The following SLC25A13 variants were observed in gnomAD, a reference collection of about 807,000 sequenced individuals.
SLC25A13 encodes solute carrier family 25 member 13, also known as electrogenic aspartate/glutamate antiporter SLC25A13, mitochondrial.
A neutral mutation model predicts 85.5 loss-of-function variants in SLC25A13; 70 were observed. The observed-to-expected ratio is 0.82, with a 90% CI of 0.68 to 1.00. The LOEUF (loss-of-function observed/expected upper bound fraction) is 1.00, where lower values mean the gene tolerates loss of function less well. Among genes scored for constraint, SLC25A13 ranks in the 50% least tolerant of loss-of-function variants. SLC25A13 has a pLI of 0.00. For missense variants in SLC25A13, 765 were observed against 819.8 expected (o/e 0.93, Z 0.82); for synonymous variants, 259 against 288.7 (o/e 0.90, Z 1.04).
At chr7:96,281,085 C>T (rs1436014919) in intron 2 of SLC25A13, among the ~76,000 whole-genome samples, 1 of 152,140 alleles carries the variant, frequency 6.6e-6, no homozygotes, top group Non-Finnish European at 1.5e-5. Flanking sequence ...GAATACAACA[C>T]AGCAATGAGA....
At chr7:96,241,941 T>C (rs981605051) in intron 3 of SLC25A13, among the ~76,000 whole-genome samples, 1 of 152,090 alleles carries the variant, frequency 6.6e-6, no homozygotes, top group African/African-American at 2.4e-5. Flanking sequence ...ATCCCTTTCA[T>C]CTCCTGCCTG....
Position 96,120,280 on chromosome 7 carries a change from A to G in SLC25A13, c.*911T>C, listed in dbSNP as rs922495756. ...TTCATGCGCCTCTGACCATTATGCAAGGCAACATGAATTAAATACTTATGT... is the reference window on the plus strand; with the variant it reads ...TTCATGCGCCTCTGACCATTATGCAGGGCAACATGAATTAAATACTTATGT... On this transcript the variant is annotated 3_prime_UTR_variant, in exon 18 of 18. Transcript: ENST00000265631. The G allele has an allele frequency of 2.2e-6, 1 of 453,920 alleles. No individual in the cohort carries two copies. The highest frequency in any genetic ancestry group is 4.4e-6 in the Non-Finnish European group (1 of 226,728). 28.1% of individuals were successfully genotyped at this position (453,920 alleles called of 1,614,324 possible).
At chr7:96,237,453 G>A (rs551695070) in intron 3 of SLC25A13, among the ~76,000 whole-genome samples, 10 of 152,202 alleles carry the variant, frequency 6.6e-5, no homozygotes, top group South Asian at 2.1e-4. Flanking sequence ...TGGCAAGAGC[G>A]AGATGCCAGC....
intron 4 of SLC25A13, among the ~76,000 whole-genome samples, chr7:96,216,088 G>A (rs1162361248): frequency 1.3e-5 from 2 of 151,930 alleles, no homozygotes; most frequent in Non-Finnish European, 2.9e-5. Context: ...CCCCTGAGGC[G>A]GAGGTTGCAG....
Position 96,208,948 on chromosome 7 carries a change from T to C in SLC25A13, c.358A>G (p.Thr120Ala), listed in dbSNP as rs1242971055. 1 of 1,614,166 alleles carries C rather than the reference T, an allele frequency of 6.2e-7. No homozygotes were observed. The highest frequency in any genetic ancestry group is 2.2e-5 in the East Asian group (1 of 44,886). Residue 120 changes from threonine to alanine, a missense_variant, in exon 5 of 18, where the codon ACA (threonine) becomes GCA (alanine). By Grantham distance (58) the Thr-to-Ala change is moderately conservative. Coordinates refer to ENST00000265631, the MANE Select transcript of SLC25A13 (RefSeq NM_014251.3). ...EDVKQVFGQT[T>A]IHQHIPFNWD... ...TTAAATGGAATATGTTGATGAATTG[T>C]GGTCTGTCCAAAAACTTGCTTAACA... is the stretch of plus-strand genomic sequence containing the variant.
chr7:96,319,627 T>C (rs889906368), intron 1 of SLC25A13, among the ~76,000 whole-genome samples: 14 of 151,380 alleles, frequency 9.2e-5, no homozygotes, highest in African/African-American at 3.2e-4. Context: ...GATCATTTCC[T>C]CTTTGCTTTG....
chr7:96,151,194 C>G (rs1051428604), intron 13 of SLC25A13, among the ~76,000 whole-genome samples: 2 of 152,080 alleles, frequency 1.3e-5, no homozygotes, highest in African/African-American at 4.8e-5. Flanking sequence ...TTCTGCCAAG[C>G]GAAATTTTAA....
At chr7:96,228,245 T>C (rs1796391701) in intron 4 of SLC25A13, among the ~76,000 whole-genome samples, 1 of 152,200 alleles carries the variant, frequency 6.6e-6, no homozygotes, top group South Asian at 2.1e-4. Context: ...ATTAGAAACT[T>C]ATGTTCCTCA....
intron 10 of SLC25A13, 24 bp downstream of exon 10, chr7:96,184,903 A>T (rs758996304): frequency 6.3e-7 from 1 of 1,591,388 alleles, no homozygotes; most frequent in East Asian, 2.2e-5. Flanking sequence ...AAAAGTGAAA[A>T]TTTTTCTCTC....
chr7:96,306,767 TG>T, intron 1 of SLC25A13: 2 of 1,193,038 alleles, frequency 1.7e-6, no homozygotes, highest in Non-Finnish European at 2.5e-6. Flanking sequence ...TTGTTCTTTT[TG>T]CCCTCTGATA....
chr7:96,121,460 AT>A, intron 17 of SLC25A13, 83 bp from the exon 18 acceptor site: 1 of 1,524,468 alleles, frequency 6.6e-7, no homozygotes, highest in Non-Finnish European at 9.1e-7. Context: ...ACCTGTTCAA[AT>A]ATTTAATGTA....
chr7:96,299,674 A>G (rs1179076788), intron 1 of SLC25A13, among the ~76,000 whole-genome samples: 1 of 152,248 alleles, frequency 6.6e-6, no homozygotes. Context: ...GCAATATAAT[A>G]CAGTCATGCA....
chr7:96,140,942 T>A (rs1273777338), intron 14 of SLC25A13, among the ~76,000 whole-genome samples: 3 of 151,984 alleles, frequency 2.0e-5, no homozygotes, highest in Non-Finnish European at 4.4e-5. Flanking sequence ...TGCTCATTTT[T>A]AAAATCAGCT....
chr7:96,179,532 A>C (rs181963155), intron 11 of SLC25A13, among the ~76,000 whole-genome samples: 1 of 152,336 alleles, frequency 6.6e-6, no homozygotes, highest in Non-Finnish European at 1.5e-5. Flanking sequence ...TGTGCTCACT[A>C]AAGTTAGCTC....
intron 2 of SLC25A13, among the ~76,000 whole-genome samples, chr7:96,280,111 C>CTTTTCAATTGTCTCGT (rs1287074797): frequency 6.6e-6 from 1 of 152,108 alleles, no homozygotes; most frequent in Non-Finnish European, 1.5e-5. Flanking sequence ...TCAGGACCAT[C>CTTTTCAATTGTCTCGT]CTTTTCAATT....
At chr7:96,141,859 C>G (rs909826256) in intron 14 of SLC25A13, among the ~76,000 whole-genome samples, 19 of 152,184 alleles carry the variant, frequency 1.2e-4, no homozygotes, top group African/African-American at 4.1e-4. Flanking sequence ...GTGCACATGT[C>G]CTTTGACCTA....
At chr7:96,316,965 TTTTTA>T (rs1362157707) in intron 1 of SLC25A13, among the ~76,000 whole-genome samples, 10 of 152,058 alleles carry the variant, frequency 6.6e-5, no homozygotes, top group Non-Finnish European at 1.3e-4. Context: ...TATCCGATCT[TTTTTA>T]TTTTATTTTA....
At chr7:96,192,238 C>T (rs1794882644) in intron 6 of SLC25A13, among the ~76,000 whole-genome samples, 1 of 152,086 alleles carries the variant, frequency 6.6e-6, no homozygotes, top group Non-Finnish European at 1.5e-5. Context: ...CTGTGGGAAA[C>T]CCAGATGATG....
At chr7:96,172,947 A>G (rs1427361581) in intron 11 of SLC25A13, among the ~76,000 whole-genome samples, 2 of 151,974 alleles carry the variant, frequency 1.3e-5, no homozygotes, top group Non-Finnish European at 2.9e-5. Context: ...TTTAGTAGAG[A>G]TGGGGTTTCA....
Sources: allele counts gnomAD v4.1 joint callset (sites outside exome capture counted in the v4.1 genomes callset), GRCh38; gene constraint gnomAD v4.1.1; transcripts MANE v1.5; gene names NCBI Gene and HGNC (gene_info 2026-07-23, HGNC 2026-07-21).